Variants in DAZAP1 observed in about 807,000 individuals in gnomAD.
The protein encoded by DAZAP1 is DAZ associated protein 1.
DAZAP1 carries 6 observed loss-of-function variants against 60.1 expected under a neutral mutation model. The observed-to-expected ratio is 0.10, with a 90% CI of 0.05 to 0.20. DAZAP1 has a LOEUF of 0.20. Ranked by LOEUF, DAZAP1 falls within the 10% of genes least tolerant of loss-of-function variation. The pLI, the probability that DAZAP1 is intolerant of heterozygous loss-of-function variation, is 1.00. For synonymous variants in DAZAP1, 235 were observed against 215.9 expected (o/e 1.09, Z -0.78); for missense variants, 366 against 560.4 (o/e 0.65, Z 3.50).
rs986710863 is a variant in DAZAP1, at chr19:1,434,680, G to A, written c.1049-57G>A. The A allele has an allele frequency of 2.9e-5, 46 of 1,591,492 alleles. No individual in the cohort carries two copies. Among genetic ancestry groups the A allele is most frequent in the Non-Finnish European group, 3.3e-5 (39 of 1,166,912 alleles). ...GAGCTGTGTCCAGGTGGCCTCGCTC[G>A]ACGGCAGTGCCAACCGCCCAGGGAC... On this transcript the variant is annotated intron_variant, in intron 11 of 11. Transcript: ENST00000233078. This position sits in a 1 kb window ranked among gnomAD's most constrained non-coding sequence, Gnocchi z 8.0.
Position 1,433,794 on chromosome 19 carries a change from T to C in DAZAP1, c.1049-943T>C. On this transcript the variant is annotated intron_variant, in intron 11 of 11. Transcript: ENST00000233078. The surrounding 1 kb of genome is among the most constrained non-coding windows in gnomAD (Gnocchi z 6.1). Reference sequence around the variant, plus strand: ...GCTGCGGCCCACACTTTGTTTACAGTCTTATGGTCAGGCTGAGCAGTGATG... The same window carrying C: ...GCTGCGGCCCACACTTTGTTTACAGCCTTATGGTCAGGCTGAGCAGTGATG... 6.2e-7 allele frequency: 1 copy of C among 1,613,918 alleles called. No homozygotes were observed. Among genetic ancestry groups the C allele is most frequent in the Non-Finnish European group, 8.5e-7 (1 of 1,179,886 alleles).
At chr19:1,411,282 G>T (rs1483869896) in intron 1 of DAZAP1, among the ~76,000 whole-genome samples, 1 of 152,208 alleles carries the variant, frequency 6.6e-6, no homozygotes, top group Non-Finnish European at 1.5e-5. Context: ...GGGGCACCGT[G>T]GGCACTGCAG....
intron 7 of DAZAP1, chr19:1,427,011 C>A (rs762371323): frequency 6.6e-6 from 1 of 152,232 alleles, no homozygotes; most frequent in African/African-American, 2.4e-5. Flanking sequence ...TTTTTAAAAA[C>A]AGTAGCATGT....
chr19:1,419,365 G>T lies in DAZAP1; in HGVS notation c.303+634G>T, dbSNP rs561750711. 5.3e-4 allele frequency among the ~76,000 whole-genome samples: 81 copies of T among 152,362 alleles called. 1 individual carries two copies. In the South Asian group the frequency reaches 0.017, roughly 31 times the overall value. ...CTGGACAGTGCAGACCTGGAGGCCT[G>T]CTGAGGCACCGGGTGCCAGCCTCTC... On this transcript the variant is annotated intron_variant, in intron 4 of 11. Transcript: ENST00000233078.
chr19:1,409,507 C>T (rs1403573925), intron 1 of DAZAP1, among the ~76,000 whole-genome samples: 1 of 152,212 alleles, frequency 6.6e-6, no homozygotes, highest in Non-Finnish European at 1.5e-5. Context: ...CCACGGGCTG[C>T]GTGGAGGAGA....
chr19:1,417,570 C>G lies in DAZAP1; in HGVS notation c.70+30C>G, dbSNP rs1246015618. 3 of 1,594,090 alleles carry G rather than the reference C, an allele frequency of 1.9e-6. No individual in the cohort carries two copies. In the Admixed American group the frequency reaches 5.3e-5, roughly 28 times the overall value. On this transcript the variant is annotated intron_variant, in intron 2 of 11. Transcript: ENST00000233078. ...GTGGGGAAGGGGTGTCAGGTGGGTA[C>G]TGCAGATGGGCTCTAGGACCTCGGC... is the stretch of plus-strand genomic sequence containing the variant.
chr19:1,414,396 T>C (rs372163718), intron 1 of DAZAP1, among the ~76,000 whole-genome samples: 19 of 152,182 alleles, frequency 1.2e-4, no homozygotes, highest in African/African-American at 4.6e-4. Context: ...CACTGAGATA[T>C]CTATTGTTTC....
intron 1 of DAZAP1, among the ~76,000 whole-genome samples, chr19:1,408,217 G>C (rs969419992): frequency 6.6e-6 from 1 of 152,122 alleles, no homozygotes; most frequent in African/African-American, 2.4e-5. Flanking sequence ...CCCCGCCGCC[G>C]CTTCCTGGTT....
chr19:1,430,400 G>T, intron 10 of DAZAP1, 38 bp downstream of exon 10: 2 of 1,464,330 alleles, frequency 1.4e-6, no homozygotes, highest in Non-Finnish European at 1.8e-6. Flanking sequence ...CCTCCCGCCT[G>T]CTCCGGAGAT....
intron 4 of DAZAP1, among the ~76,000 whole-genome samples, chr19:1,420,752 T>C (rs933891925): frequency 6.6e-6 from 1 of 152,234 alleles, no homozygotes; most frequent in Non-Finnish European, 1.5e-5. Context: ...ATGTACAGCC[T>C]GAAATCCAGC....
intron 1 of DAZAP1, among the ~76,000 whole-genome samples, chr19:1,410,511 G>A (rs1170274632): frequency 1.3e-5 from 2 of 152,230 alleles, no homozygotes; most frequent in African/African-American, 2.4e-5. Context: ...GAAGGCCCGA[G>A]TCTCCAGTGT....
chr19:1,409,209 G>T (rs189216402), intron 1 of DAZAP1, among the ~76,000 whole-genome samples: 1 of 152,366 alleles, frequency 6.6e-6, no homozygotes. Flanking sequence ...ACATTGCAGG[G>T]ATGGGCCTGA....
intron 1 of DAZAP1, among the ~76,000 whole-genome samples, chr19:1,409,255 C>G (rs2082756307): frequency 1.3e-5 from 2 of 152,262 alleles, no homozygotes; most frequent in African/African-American, 4.8e-5. Flanking sequence ...ATGGAGCCAT[C>G]GACTTTGGGG....
At position 1,434,838 on chromosome 19, in the gene DAZAP1, C is replaced by A; in HGVS notation, c.1150C>A (p.Pro384Thr). 1.2e-6 allele frequency: 2 copies of A among 1,604,112 alleles called. No individual in the cohort carries two copies. The highest frequency in any genetic ancestry group is 1.1e-5 in the South Asian group (1 of 90,366). The change falls in exon 12 of 12, where the codon CCC (proline) becomes ACC (threonine). Residue 384 changes from proline to threonine, a missense_variant. By Grantham distance (38) the Pro-to-Thr change is conservative. Transcript: ENST00000233078. This position sits in a 1 kb window ranked among gnomAD's most constrained non-coding sequence, Gnocchi z 8.0. Reference protein sequence around the residue: ...GGPSVPGSGGPPAGGSGFGRG... With the variant: ...GGPSVPGSGGTPAGGSGFGRG... ...TCCCTCCGTGCCAGGGTCGGGGGGC[C>A]CCCCCGCCGGCGGCAGCGGCTTTGG...
chr19:1,409,948 C>T lies in DAZAP1; in HGVS notation c.29+2146C>T, dbSNP rs981718744. On this transcript the variant is annotated intron_variant, in intron 1 of 11. Transcript: ENST00000233078. ...GGAGGCAGGAGATCCCGCCGGACCCCGCTTGGAGGGCTGGGCCTGGAGCAT... is the reference window on the plus strand; with the variant it reads ...GGAGGCAGGAGATCCCGCCGGACCCTGCTTGGAGGGCTGGGCCTGGAGCAT... The T allele has an allele frequency of 7.9e-5, 12 of 152,478 alleles. No individual in the cohort carries two copies. The East Asian group carries it at 2.3e-3, about 29-fold the overall frequency. 9.4% of individuals were successfully genotyped at this position (152,478 alleles called of 1,614,324 possible).
In DAZAP1 at chr19:1,432,898, C is replaced by T. The variant is rs1290321118; in HGVS notation, c.1048+208C>T. 5 of 590,656 alleles carry T rather than the reference C, an allele frequency of 8.5e-6. No individual in the cohort carries two copies. Among genetic ancestry groups the T allele is most frequent in the Non-Finnish European group, 1.5e-5 (5 of 337,564 alleles). The allele number at this position is 590,656 out of a possible 1,614,324, so 36.6% of individuals were successfully genotyped here. On this transcript the variant is annotated intron_variant, in intron 11 of 11. Coordinates refer to ENST00000233078, the MANE Select transcript of DAZAP1 (RefSeq NM_018959.4). This position sits in a 1 kb window ranked among gnomAD's most constrained non-coding sequence, Gnocchi z 4.9. ...AGGGAGCGTGGGAGTCTTGTCGCAGCAGAGCACTCGTCATACAGCAGGTGC... is the reference window on the plus strand; with the variant it reads ...AGGGAGCGTGGGAGTCTTGTCGCAGTAGAGCACTCGTCATACAGCAGGTGC...
Position 1,407,619 on chromosome 19 carries a change from A to AGCCGCT in DAZAP1, c.-150_-149insTGCCGC, listed in dbSNP as rs1555778575. 4.2e-6 allele frequency: 1 copy of AGCCGCT among 235,986 alleles called. No homozygotes were observed. Among genetic ancestry groups the AGCCGCT allele is most frequent in the Non-Finnish European group, 6.6e-6 (1 of 151,900 alleles). The allele number at this position is 235,986 out of a possible 1,614,324, so 14.6% of individuals were successfully genotyped here. Reference sequence around the variant, plus strand: ...ACCGTTGGCGCCGAGGGGAGGAGGCAGCCGCCGCCGCCGCCGCCGCCGCCG... The same window carrying AGCCGCT: ...ACCGTTGGCGCCGAGGGGAGGAGGCAGCCGCTGCCGCCGCCGCCGCCGCCGCCGCCG... On this transcript the variant is annotated 5_prime_UTR_variant, in exon 1 of 12. Transcript: ENST00000233078.
chr19:1,432,521 C>A lies in DAZAP1; in HGVS notation c.879C>A (p.Gly293=), dbSNP rs376783614. ...GYGAPPQFSF[G]YGPPPPPPDQ... ...CCTCTTGTACCTCTGCAGGTTTTGGCTACGGGCCTCCACCTCCACCGCCAG... is the reference window on the plus strand; with the variant it reads ...CCTCTTGTACCTCTGCAGGTTTTGGATACGGGCCTCCACCTCCACCGCCAG... Residue 293 remains glycine, a synonymous_variant, in exon 11 of 12, where the codon GGC becomes GGA. Coordinates refer to ENST00000233078, the MANE Select transcript of DAZAP1 (RefSeq NM_018959.4). This position sits in a 1 kb window ranked among gnomAD's most constrained non-coding sequence, Gnocchi z 4.9. 1.2e-6 allele frequency: 2 copies of A among 1,613,800 alleles called. No individual in the cohort carries two copies. The highest frequency in any genetic ancestry group is 1.7e-6 in the Non-Finnish European group (2 of 1,179,980).
chr19:1,417,175 C>T (rs2083011111), intron 1 of DAZAP1: 3 of 400,676 alleles, frequency 7.5e-6, no homozygotes, highest in East Asian at 5.7e-5. Flanking sequence ...AGCCTGTGTC[C>T]CACTTGGCAG....
Sources: allele counts gnomAD v4.1 joint callset (sites outside exome capture counted in the v4.1 genomes callset), GRCh38; gene constraint gnomAD v4.1.1; non-coding constraint Gnocchi (gnomAD v3.1); transcripts MANE v1.5; gene names NCBI Gene and HGNC (gene_info 2026-07-23, HGNC 2026-07-21).